The following RUSF1 variants were observed in gnomAD, a reference collection of about 807,000 sequenced individuals.
RUSF1 encodes RUS1 family protein C16orf58.
RUSF1 carries 58 observed loss-of-function variants against 63.0 expected under a neutral mutation model. The observed-to-expected ratio is 0.92, with a 90% CI of 0.75 to 1.15. The LOEUF is 1.15. Ranked by LOEUF, RUSF1 falls within the 50% of genes most tolerant of loss-of-function variation. RUSF1 has a pLI of 0.00. For missense variants in RUSF1, 652 were observed against 611.0 expected, an observed-to-expected ratio of 1.07 and a Z score of -0.71; for synonymous variants, 274 against 255.8, an observed-to-expected ratio of 1.07 and a Z score of -0.68.
In RUSF1 at chr16:31,493,785, A is replaced by C; in HGVS notation, c.776T>G (p.Phe259Cys). Residue 259 changes from phenylalanine (F) to cysteine (C), a missense_variant and splice_region_variant, in exon 8 of 13, where the codon TTC becomes TGC. Transcript: ENST00000327237. ...MLPLVSGCPG[F>C]SLGCFFFLTA... ...GAGGAAGAAGAAACATCCAAGGCTG[A>C]AGCTGGGGTGAGAGAGTGAGGTAGC... The C allele has an allele frequency of 1.2e-6, 2 of 1,614,186 alleles. No individual in the cohort carries two copies. The highest frequency in any genetic ancestry group is 1.7e-5 in the Admixed American group (1 of 60,028).
chr16:31,507,984 C>T (rs897950441), intron 1 of RUSF1, 90 bp downstream of exon 1: 140 of 1,535,232 alleles, frequency 9.1e-5, no homozygotes, highest in Non-Finnish European at 1.2e-4. Flanking sequence ...AGACCCCCCG[C>T]CCCCCGGGCT....
At chr16:31,505,496 C>T (rs2082654335) in intron 2 of RUSF1, among the ~76,000 whole-genome samples, 1 of 152,074 alleles carries the variant, frequency 6.6e-6, no homozygotes, top group Non-Finnish European at 1.5e-5. Context: ...TCTCGTCCCA[C>T]CTGATGAGAA....
intron 3 of RUSF1, 79 bp downstream of exon 3, chr16:31,500,607 T>A: frequency 6.6e-7 from 1 of 1,506,968 alleles, no homozygotes; most frequent in East Asian, 2.3e-5. Flanking sequence ...CAGCCACAAT[T>A]AATGGCAATA....
chr16:31,496,503 G>GT (rs1161500388), intron 6 of RUSF1, among the ~76,000 whole-genome samples: 1 of 152,208 alleles, frequency 6.6e-6, no homozygotes, highest in Non-Finnish European at 1.5e-5. Flanking sequence ...CTGAGTGGAG[G>GT]CCCCAGCCAG....
chr16:31,507,963 T>C (rs1255469845), intron 1 of RUSF1, 85 bp from the exon 2 acceptor site: 5 of 1,533,356 alleles, frequency 3.3e-6, no homozygotes, highest in East Asian at 2.5e-5. Flanking sequence ...TCTTGGTGTA[T>C]GAGGCATGTC....
intron 2 of RUSF1, among the ~76,000 whole-genome samples, chr16:31,505,440 T>C (rs2082653916): frequency 6.6e-6 from 1 of 152,148 alleles, no homozygotes; most frequent in East Asian, 1.9e-4. Context: ...GGGCCCACTG[T>C]TCTTTCTCTA....
At position 31,493,693 on chromosome 16, in the gene RUSF1, C is replaced by G; in HGVS notation, c.868G>C (p.Gly290Arg). 1.9e-6 allele frequency: 3 copies of G among 1,614,242 alleles called. No individual in the cohort carries two copies. The highest frequency in any genetic ancestry group is 2.5e-6 in the Non-Finnish European group (3 of 1,180,034). ...TGCTTCAGGACCAGCCGGAGCCGGCCTTCGTTCAAGGTCTCCATGACCAGG... is the reference window on the plus strand; with the variant it reads ...TGCTTCAGGACCAGCCGGAGCCGGCGTTCGTTCAAGGTCTCCATGACCAGG... Reference protein sequence around the residue: ...RALVMETLNEGRLRLVLKHYL... With the variant: ...RALVMETLNERRLRLVLKHYL... The change falls in exon 8 of 13, where the codon GGC becomes CGC. Residue 290 changes from glycine to arginine, a missense_variant. By Grantham distance (125) the Gly-to-Arg change is moderately radical (BLOSUM62 -2). Transcript: ENST00000327237.
rs745629133 is a variant in RUSF1, at chr16:31,508,347, G to C, written c.27C>G (p.Thr9=). MADDAGLE[T]PLCSEQFGSG... is the part of the protein sequence containing the mutation. ...AGCCGAACTGCTCGGAACACAGCGG[G>C]GTCTCCAAACCCGCGTCGTCAGCCA... The change falls in exon 1 of 13, where the codon ACC becomes ACG. Residue 9 remains threonine, a synonymous_variant. Coordinates refer to ENST00000327237, the MANE Select transcript of RUSF1 (RefSeq NM_022744.4). 3 of 1,551,598 alleles carry C rather than the reference G, an allele frequency of 1.9e-6. No homozygotes were observed. The highest frequency in any genetic ancestry group is 2.1e-5 in the Admixed American group (1 of 48,276).
intron 2 of RUSF1, among the ~76,000 whole-genome samples, chr16:31,507,389 A>G (rs1052847895): frequency 6.6e-6 from 1 of 151,974 alleles, no homozygotes; most frequent in Admixed American, 6.6e-5. Context: ...AGGACCAACT[A>G]TATCTTTTTT....
At chr16:31,507,674 G>C in intron 2 of RUSF1, 90 bp downstream of exon 2, 1 of 1,204,576 alleles carries the variant, frequency 8.3e-7, no homozygotes, top group Admixed American at 2.2e-5. Context: ...CTACCTAATG[G>C]GGCACGAGTC....
At chr16:31,496,377 G>A (rs1438584744) in intron 6 of RUSF1, among the ~76,000 whole-genome samples, 1 of 152,188 alleles carries the variant, frequency 6.6e-6, no homozygotes, top group Non-Finnish European at 1.5e-5. Context: ...TAAGCACTCA[G>A]CACGGGGTTT....
Position 31,490,129 on chromosome 16 carries a change from G to T in RUSF1, c.*706C>A. The T allele has an allele frequency of 6.2e-7, 1 of 1,614,052 alleles. No individual in the cohort carries two copies. Among genetic ancestry groups the T allele is most frequent in the Non-Finnish European group, 8.5e-7 (1 of 1,180,022 alleles). The stretch of plus-strand genomic sequence containing the variant: ...CTCCACCGCCTGGTCTTCAGTCTCC[G>T]GCATAGCAAGGAGGAACGGGAGGAC... On this transcript the variant is annotated 3_prime_UTR_variant, in exon 13 of 13. Transcript: ENST00000327237.
At chr16:31,491,928 G>A (rs2082571371) in intron 12 of RUSF1, 81 bp downstream of exon 12, 3 of 1,428,962 alleles carry the variant, frequency 2.1e-6, no homozygotes, top group Non-Finnish European at 2.9e-6. Flanking sequence ...CCTTTCAGGT[G>A]AAAGGGTGGG....
Position 31,499,881 on chromosome 16 carries a change from C to T in RUSF1, c.462-356G>A, listed in dbSNP as rs1000321223. Among the ~76,000 whole-genome samples, 5 of 152,160 alleles carry T rather than the reference C, an allele frequency of 3.3e-5. No homozygotes were observed. In the East Asian group the frequency reaches 5.8e-4, roughly 18 times the overall value. Reference sequence around the variant, plus strand: ...TCTTCTTGCTTTAGAGTGAGGGTACCCAGTGAGCATGTTTTGGACTAGTAA... The same window carrying T: ...TCTTCTTGCTTTAGAGTGAGGGTACTCAGTGAGCATGTTTTGGACTAGTAA... On this transcript the variant is annotated intron_variant, in intron 3 of 12. Transcript: ENST00000327237.
Position 31,489,886 on chromosome 16 carries a change from G to A in RUSF1, c.*949C>T, listed in dbSNP as rs1196898059. 4 of 603,240 alleles carry A rather than the reference G, an allele frequency of 6.6e-6. No individual in the cohort carries two copies. The highest frequency in any genetic ancestry group is 1.2e-5 in the Non-Finnish European group (4 of 336,496). 37.4% of individuals were successfully genotyped at this position (603,240 alleles called of 1,614,324 possible). On this transcript the variant is annotated 3_prime_UTR_variant, in exon 13 of 13. Transcript: ENST00000327237. ...GAGCTGACAAAGCTGGGGGAGCAAG[G>A]CCAACGGCTTTAAACACAAGCTCAG...
At position 31,492,961 on chromosome 16, in the gene RUSF1, G is replaced by T. The variant is rs1302804144; in HGVS notation, c.1087+17C>A. ...TGGGAGGGTGCGTCTTAGGCTGGGA[G>T]AATGAGGCACACTCACTTTGTGACT... On this transcript the variant is annotated intron_variant, in intron 10 of 12. Transcript: ENST00000327237. 1 of 1,600,856 alleles carries T rather than the reference G, an allele frequency of 6.2e-7. No homozygotes were observed.
Position 31,493,002 on chromosome 16 carries a change from G to A in RUSF1, c.1063C>T (p.Leu355Phe), listed in dbSNP as rs759405328. 2 of 1,613,498 alleles carry A rather than the reference G, an allele frequency of 1.2e-6. No individual in the cohort carries two copies. Among genetic ancestry groups the A allele is most frequent in the South Asian group, 2.2e-5 (2 of 91,056 alleles). The change falls in exon 10 of 13, where the codon CTC becomes TTC. Residue 355 changes from leucine (L) to phenylalanine (F), a missense_variant. Coordinates refer to ENST00000327237, the MANE Select transcript of RUSF1 (RefSeq NM_022744.4). ...QLVEGHQESY[L>F]LCWDQSQNQV... ...CTTTGTGACTGGTCCCAGCAGAGGA[G>A]GTAGGATTCTTGGTGCCCCTCAACC...
rs1397639462 is a variant in RUSF1, at chr16:31,507,896, T to C, written c.301-18A>G. The C allele has an allele frequency of 1.3e-6, 2 of 1,551,544 alleles. No homozygotes were observed. The highest frequency in any genetic ancestry group is 1.7e-6 in the Non-Finnish European group (2 of 1,146,552). On this transcript the variant is annotated intron_variant, in intron 1 of 12. Transcript: ENST00000327237. Reference sequence around the variant, plus strand: ...GCAAACGCCTGGAGAAGAAAACAAGTAGGGTGAGAAGCGGGCGTAGGAGCG... The same window carrying C: ...GCAAACGCCTGGAGAAGAAAACAAGCAGGGTGAGAAGCGGGCGTAGGAGCG...
At position 31,501,425 on chromosome 16, in the gene RUSF1, T is replaced by A. The variant is rs1266182583; in HGVS notation, c.416-694A>T. 1.4e-4 allele frequency among the ~76,000 whole-genome samples: 22 copies of A among 152,052 alleles called. No homozygotes were observed. The South Asian group carries it at 4.4e-3, about 30-fold the overall frequency. On this transcript the variant is annotated intron_variant, in intron 2 of 12. Coordinates refer to ENST00000327237, the MANE Select transcript of RUSF1 (RefSeq NM_022744.4). ...GCCTGGGCAACACAGCAAGACCCCA[T>A]CTCTACAAAAAGTAGGAAAGAAATT...
Sources: gnomAD v4.1 joint callset for allele counts (sites outside exome capture counted in the v4.1 genomes callset) on GRCh38, gnomAD v4.1.1 for gene constraint, MANE v1.5 for transcripts, NCBI Gene and HGNC (gene_info 2026-07-23, HGNC 2026-07-21) for gene names.